The following CDH18 variants were observed in gnomAD, a reference collection of about 807,000 sequenced individuals.
CDH18 encodes cadherin-18.
CDH18 carries 31 observed loss-of-function variants against 67.9 expected under a neutral mutation model. That is an observed-to-expected ratio of 0.46 (90% CI 0.34 to 0.62). The LOEUF is 0.62. Among genes scored for constraint, CDH18 ranks in the 20% least tolerant of loss-of-function variants. The pLI, the probability that CDH18 is intolerant of heterozygous loss-of-function variation, is 0.01. For synonymous variants in CDH18, 362 were observed against 347.2 expected (o/e 1.04, Z -0.48); for missense variants, 890 against 975.5 (o/e 0.91, Z 1.17).
chr5:20,312,888 T>G (rs1468830276), intron 1 of CDH18, among the ~76,000 whole-genome samples: 1 of 152,130 alleles, frequency 6.6e-6, no homozygotes, highest in Non-Finnish European at 1.5e-5. Flanking sequence ...TTCTCTTCTT[T>G]TTAATCAATT....
intron 5 of CDH18, among the ~76,000 whole-genome samples, chr5:19,688,293 G>A (rs1761394990): frequency 6.6e-6 from 1 of 152,186 alleles, no homozygotes; most frequent in Admixed American, 6.5e-5. Flanking sequence ...TGGGAGCCTA[G>A]TGACAGTCAT....
At chr5:19,528,963 T>C (rs998670418) in intron 9 of CDH18, among the ~76,000 whole-genome samples, 3 of 151,712 alleles carry the variant, frequency 2.0e-5, no homozygotes, top group Non-Finnish European at 4.4e-5. Flanking sequence ...GTTTGACTGG[T>C]TTGGAAATAG....
chr5:20,228,437 A>T (rs570006483), intron 2 of CDH18, among the ~76,000 whole-genome samples: 1 of 152,110 alleles, frequency 6.6e-6, no homozygotes, highest in Non-Finnish European at 1.5e-5. Context: ...TACCTAATTA[A>T]CACATGTATT....
At chr5:19,790,305 T>C (rs1306639394) in intron 3 of CDH18, among the ~76,000 whole-genome samples, 2 of 152,190 alleles carry the variant, frequency 1.3e-5, no homozygotes, top group African/African-American at 4.8e-5. Flanking sequence ...GATTTTTTAT[T>C]ACTGCATGTA....
intron 1 of CDH18, among the ~76,000 whole-genome samples, chr5:20,574,641 C>G (rs1759015824): frequency 6.6e-6 from 1 of 151,984 alleles, no homozygotes; most frequent in Non-Finnish European, 1.5e-5. Flanking sequence ...ATTGCCCCAG[C>G]TCATTATTTC....
chr5:20,137,962 T>A (rs545974040), intron 2 of CDH18, among the ~76,000 whole-genome samples: 1 of 152,134 alleles, frequency 6.6e-6, no homozygotes, highest in Non-Finnish European at 1.5e-5. Context: ...TAACTCATTT[T>A]ATGAGGCCAG....
chr5:20,427,358 C>A (rs1253415822), intron 1 of CDH18, among the ~76,000 whole-genome samples: 1 of 150,962 alleles, frequency 6.6e-6, no homozygotes, highest in Admixed American at 6.6e-5. Context: ...ACAGCCAGGG[C>A]TAATAGAATA....
chr5:20,243,251 C>CATA (rs1209177140), intron 2 of CDH18, among the ~76,000 whole-genome samples: 2 of 152,096 alleles, frequency 1.3e-5, no homozygotes, highest in African/African-American at 2.4e-5. Context: ...CTTTTGTTCA[C>CATA]ATTTAATGTG....
At chr5:19,750,939 T>C (rs1201272334) in intron 3 of CDH18, among the ~76,000 whole-genome samples, 1 of 152,016 alleles carries the variant, frequency 6.6e-6, no homozygotes, top group Non-Finnish European at 1.5e-5. Flanking sequence ...AGTCTTTGGG[T>C]ATCTCATCAC....
chr5:20,256,628 T>C lies in CDH18; in HGVS notation c.-579-1123A>G, dbSNP rs1278742195. ...GACGAGAGAAAAGTATACATCCAAA[T>C]AGGCAAATACATATTGTATATCAGG... On this transcript the variant is annotated intron_variant, in intron 1 of 14. Coordinates refer to the CDH18 transcript ENST00000507958. Among the ~76,000 whole-genome samples the C allele has an allele frequency of 3.3e-5, 5 of 151,936 alleles. No individual in the cohort carries two copies. In the East Asian group the frequency reaches 9.6e-4, roughly 29 times the overall value.
intron 2 of CDH18, among the ~76,000 whole-genome samples, chr5:20,180,306 C>T (rs1737581989): frequency 1.3e-5 from 2 of 152,118 alleles, no homozygotes; most frequent in South Asian, 4.1e-4. Context: ...CACAGCTCTT[C>T]TAGGTCTCTT....
chr5:19,947,747 A>T (rs887292957), intron 2 of CDH18, among the ~76,000 whole-genome samples: 4 of 150,334 alleles, frequency 2.7e-5, no homozygotes, highest in Non-Finnish European at 5.9e-5. Flanking sequence ...TGGGTGACAG[A>T]GTGAGAGTCC....
At chr5:20,229,928 T>C (rs1349780143) in intron 2 of CDH18, among the ~76,000 whole-genome samples, 1 of 152,166 alleles carries the variant, frequency 6.6e-6, no homozygotes, top group East Asian at 1.9e-4. Context: ...TCTAGCACAT[T>C]GAGACATATT....
intron 1 of CDH18, among the ~76,000 whole-genome samples, chr5:20,348,899 C>CT (rs1323260524): frequency 6.6e-6 from 1 of 152,026 alleles, no homozygotes; most frequent in Non-Finnish European, 1.5e-5. Context: ...AAAACATTTA[C>CT]TTTTTTTGAT....
chr5:20,304,531 A>C, intron 1 of CDH18: 1 of 1,610,326 alleles, frequency 6.2e-7, no homozygotes, highest in Non-Finnish European at 8.5e-7. Context: ...TACTCTGGTA[A>C]TATCTTTGCC....
chr5:19,660,431 A>G (rs949134360), intron 5 of CDH18, among the ~76,000 whole-genome samples: 5 of 152,146 alleles, frequency 3.3e-5, no homozygotes. Flanking sequence ...GTAATTGTAT[A>G]TTTCCCTAAG....
chr5:19,691,699 C>G (rs1328539355), intron 5 of CDH18, among the ~76,000 whole-genome samples: 3 of 151,640 alleles, frequency 2.0e-5, no homozygotes, highest in Non-Finnish European at 1.5e-5. Flanking sequence ...AAAATAAAAA[C>G]CACAAAGCAC....
At chr5:19,681,170 C>G (rs1303189404) in intron 5 of CDH18, among the ~76,000 whole-genome samples, 1 of 151,858 alleles carries the variant, frequency 6.6e-6, no homozygotes, top group Non-Finnish European at 1.5e-5. Context: ...AACAGAAAAC[C>G]AAATACTGCA....
rs570059355 is a variant in CDH18 at position 20,027,819 on chromosome 5, T to C, written c.-517-35805A>G. Among the ~76,000 whole-genome samples the C allele has an allele frequency of 4.1e-4, 63 of 152,326 alleles. 1 individual carries two copies. The highest frequency in any genetic ancestry group is 1.4e-3 in the African/African-American group (57 of 41,590). Reference sequence around the variant, plus strand: ...ATCACTAGCTGAGTCTGACTTAAGATAGGGTTGCTAAGCATCAAGGAATAT... The same window carrying C: ...ATCACTAGCTGAGTCTGACTTAAGACAGGGTTGCTAAGCATCAAGGAATAT... On this transcript the variant is annotated intron_variant, in intron 2 of 14. Transcript: ENST00000507958.
Sources: allele counts gnomAD v4.1 joint callset (sites outside exome capture counted in the v4.1 genomes callset), GRCh38; gene constraint gnomAD v4.1.1; transcripts MANE v1.5; gene names NCBI Gene and HGNC (gene_info 2026-07-23, HGNC 2026-07-21).